PLD5: variants seen among roughly 807,000 people sequenced by gnomAD.
PLD5 encodes the protein phospholipase D family member 5, also known as inactive phospholipase D5.
A neutral mutation model predicts 61.1 loss-of-function variants in PLD5; 36 were observed. The observed-to-expected ratio is 0.59, with a 90% CI of 0.45 to 0.78. PLD5 has a LOEUF of 0.78. PLD5 is among the 30% of genes least tolerant of loss of function. The pLI is 0.00. For missense variants in PLD5, 515 were observed against 644.4 expected, an observed-to-expected ratio of 0.80 and a Z score of 2.17; for synonymous variants, 243 against 242.8, an observed-to-expected ratio of 1.00 and a Z score of -0.01.
chr1:242,449,477 A>C (rs1666694551), intron 1 of PLD5: 2 of 1,530,738 alleles, frequency 1.3e-6, no homozygotes, highest in Admixed American at 2.0e-5. Flanking sequence ...GCACAAACGT[A>C]TCACCACCGA....
intron 1 of PLD5, among the ~76,000 whole-genome samples, chr1:242,358,074 T>C (rs1233143328): frequency 6.6e-6 from 1 of 152,142 alleles, no homozygotes; most frequent in Non-Finnish European, 1.5e-5. Context: ...ATCTCTAGGA[T>C]TTCTATTTGG....
chr1:242,293,556 T>C (rs1453109404), intron 2 of PLD5, among the ~76,000 whole-genome samples: 1 of 152,230 alleles, frequency 6.6e-6, no homozygotes, highest in East Asian at 1.9e-4. Context: ...TAGTACCTTG[T>C]AGAGTTCCAT....
intron 1 of PLD5, among the ~76,000 whole-genome samples, chr1:242,442,733 C>CGCAG (rs1366873698): frequency 6.6e-6 from 1 of 152,108 alleles, no homozygotes; most frequent in East Asian, 1.9e-4. Flanking sequence ...AAAGAAGAGA[C>CGCAG]GCAGGGAAAG....
intron 1 of PLD5, among the ~76,000 whole-genome samples, chr1:242,465,538 C>T (rs901777839): frequency 1.3e-5 from 2 of 152,326 alleles, no homozygotes; most frequent in African/African-American, 4.8e-5. Context: ...TTCCTGGGCT[C>T]TGCTGCTAAT....
chr1:242,523,009 C>T (rs971834489), intron 1 of PLD5, among the ~76,000 whole-genome samples: 5 of 152,120 alleles, frequency 3.3e-5, no homozygotes, highest in African/African-American at 1.2e-4. Flanking sequence ...TGGGAAGAAG[C>T]CTGTTGGTGC....
intron 4 of PLD5, among the ~76,000 whole-genome samples, chr1:242,220,728 T>C (rs1670526455): frequency 6.7e-6 from 1 of 148,574 alleles, no homozygotes; most frequent in Admixed American, 6.8e-5. Flanking sequence ...TATTTTATTT[T>C]ATTTTATTTT....
Position 242,497,458 on chromosome 1 carries a change from A to G in PLD5, c.189+26630T>C, listed in dbSNP as rs569843598. Among the ~76,000 whole-genome samples the G allele has an allele frequency of 3.9e-5, 6 of 152,264 alleles. No homozygotes were observed. The East Asian group carries it at 1.2e-3, about 29-fold the overall frequency. On this transcript the variant is annotated intron_variant, in intron 1 of 9. Coordinates refer to ENST00000536534, the MANE Select transcript of PLD5 (RefSeq NM_001372062.1). ...CTCTTCCTCTAAATTTTCTATATGT[A>G]TGGGCCACATCCTTTGTGTGTGTGT...
Position 242,288,049 on chromosome 1 carries a change from C to A in PLD5, c.495+313G>T, listed in dbSNP as rs150037092. Among the ~76,000 whole-genome samples, 598 of 152,280 alleles carry A rather than the reference C, an allele frequency of 3.9e-3. 7 individuals are homozygous for A. The highest frequency in any genetic ancestry group is 0.013 in the African/African-American group (561 of 41,558). On this transcript the variant is annotated intron_variant, in intron 3 of 9. Transcript: ENST00000536534. ...TAGTTGGGCGAAGCAGAATTCTGGA[C>A]CATGCCATTGACAGAGATTATCATG... is the stretch of plus-strand genomic sequence containing the variant.
At chr1:242,472,017 C>T (rs745586418) in intron 1 of PLD5, among the ~76,000 whole-genome samples, 8 of 152,118 alleles carry the variant, frequency 5.3e-5, no homozygotes, top group East Asian at 3.9e-4. Flanking sequence ...CCACCCTGTT[C>T]GATTTCAATA....
At chr1:242,298,560 T>C (rs1675849146) in intron 2 of PLD5, among the ~76,000 whole-genome samples, 1 of 152,132 alleles carries the variant, frequency 6.6e-6, no homozygotes, top group Non-Finnish European at 1.5e-5. Flanking sequence ...TGTCTTATCT[T>C]AGAGGGTATG....
chr1:242,224,199 A>C (rs1288893534), intron 4 of PLD5, among the ~76,000 whole-genome samples: 2 of 152,200 alleles, frequency 1.3e-5, no homozygotes, highest in Non-Finnish European at 2.9e-5. Flanking sequence ...CATTTAGATA[A>C]AAGGGCAGAG....
intron 6 of PLD5, among the ~76,000 whole-genome samples, chr1:242,115,647 C>T (rs1171521532): frequency 9.5e-6 from 1 of 105,370 alleles, no homozygotes. Context: ...ATGTTTCAAA[C>T]TCAAAATCTA....
At chr1:242,450,869 G>A (rs374081545) in intron 1 of PLD5, among the ~76,000 whole-genome samples, 1 of 152,166 alleles carries the variant, frequency 6.6e-6, no homozygotes, top group Non-Finnish European at 1.5e-5. Flanking sequence ...TGCTTGCATT[G>A]AGTAGGTTCT....
rs74152317 is a variant in PLD5 at position 242,300,135 on chromosome 1, G to A, written c.327-11605C>T. Reference sequence around the variant, plus strand: ...TGAGCAGAGTGCTCAGAACAGAAAGGAACATCAACCAAGAAGATATCAGCC... The same window carrying A: ...TGAGCAGAGTGCTCAGAACAGAAAGAAACATCAACCAAGAAGATATCAGCC... On this transcript the variant is annotated intron_variant, in intron 2 of 9. Transcript: ENST00000536534. 7.3e-3 allele frequency among the ~76,000 whole-genome samples: 1,113 copies of A among 152,266 alleles called. 16 individuals carry two copies. Among genetic ancestry groups the A allele is most frequent in the African/African-American group, 0.025 (1,036 of 41,528 alleles).
At chr1:242,155,433 T>C (rs1411631540) in intron 5 of PLD5, among the ~76,000 whole-genome samples, 1 of 152,152 alleles carries the variant, frequency 6.6e-6, no homozygotes, top group African/African-American at 2.4e-5. Flanking sequence ...TTCTTTTAAT[T>C]GTGATGTTAG....
intron 1 of PLD5, among the ~76,000 whole-genome samples, chr1:242,435,993 CA>C (rs1314781537): frequency 6.6e-6 from 1 of 152,100 alleles, no homozygotes. Context: ...AGTGGATCCT[CA>C]AAAAATATCC....
At chr1:242,361,007 G>T (rs1189438792) in intron 1 of PLD5, among the ~76,000 whole-genome samples, 1 of 151,804 alleles carries the variant, frequency 6.6e-6, no homozygotes, top group Non-Finnish European at 1.5e-5. Context: ...GTACATAGTG[G>T]GCATTCAATG....
At chr1:242,146,018 T>G (rs1664521354) in intron 5 of PLD5, among the ~76,000 whole-genome samples, 1 of 152,186 alleles carries the variant, frequency 6.6e-6, no homozygotes, top group South Asian at 2.1e-4. Context: ...GTTTTCTGTG[T>G]TTCTAAGAGA....
At chr1:242,379,818 T>G (rs1662180765) in intron 1 of PLD5, among the ~76,000 whole-genome samples, 1 of 152,180 alleles carries the variant, frequency 6.6e-6, no homozygotes, top group African/African-American at 2.4e-5. Flanking sequence ...AAAAGTTATG[T>G]TCAGAGGCTG....
Sources: gnomAD v4.1 joint callset for allele counts (sites outside exome capture counted in the v4.1 genomes callset) on GRCh38, gnomAD v4.1.1 for gene constraint, MANE v1.5 for transcripts, NCBI Gene and HGNC (gene_info 2026-07-23, HGNC 2026-07-21) for gene names.